CRIP2: variants seen among roughly 807,000 people sequenced by gnomAD.
The protein encoded by CRIP2 is cysteine-rich protein 2.
Under a neutral mutation model 31.3 loss-of-function variants are expected in CRIP2, and 31 were observed. That is an observed-to-expected ratio of 0.99 (90% CI 0.74 to 1.34). The LOEUF is 1.34. Among genes scored for constraint, CRIP2 ranks in the 40% most tolerant of loss-of-function variants. The pLI, the probability that CRIP2 is intolerant of heterozygous loss-of-function variation, is 0.00. For synonymous variants in CRIP2, 177 were observed against 127.2 expected, an observed-to-expected ratio of 1.39 and a Z score of -2.63; for missense variants, 389 against 301.6, an observed-to-expected ratio of 1.29 and a Z score of -2.15.
chr14:105,476,006 G>A (rs587669780), intron 1 of CRIP2: 14 of 985,470 alleles, frequency 1.4e-5, no homozygotes, highest in South Asian at 4.7e-5. Context: ...TATTTTGCCC[G>A]TCCCAGAGGG....
intron 7 of CRIP2, 40 bp downstream of exon 7, chr14:105,479,533 C>T (rs2084043293): frequency 2.5e-6 from 4 of 1,612,782 alleles, no homozygotes; most frequent in Non-Finnish European, 3.4e-6. Context: ...CTTCCCTGCC[C>T]TCCCCTTCCC....
At chr14:105,476,049 C>T (rs962362392) in intron 1 of CRIP2, 10 of 985,466 alleles carry the variant, frequency 1.0e-5, no homozygotes, top group South Asian at 4.7e-5. Context: ...GTGCTTCTGG[C>T]GTGGCTGGGA....
Position 105,479,072 on chromosome 14 carries a change from C to T in CRIP2, c.406+25C>T, listed in dbSNP as rs782759245. On this transcript the variant is annotated intron_variant, in intron 5 of 7. Coordinates refer to ENST00000329146, the MANE Select transcript of CRIP2 (RefSeq NM_001312.4). ...GGTGAGTGCGCGCCCGGGCCCCGGACCCCCGCCCCCGCCCCCGCCCCGGGG... is the reference window on the plus strand; with the variant it reads ...GGTGAGTGCGCGCCCGGGCCCCGGATCCCCGCCCCCGCCCCCGCCCCGGGG... The T allele has an allele frequency of 1.2e-5, 19 of 1,560,618 alleles. No homozygotes were observed. In the South Asian group the frequency reaches 1.4e-4, roughly 12 times the overall value.
chr14:105,476,231 G>C, intron 1 of CRIP2: 1 of 985,482 alleles, frequency 1.0e-6, no homozygotes, highest in Non-Finnish European at 1.2e-6. Context: ...GGGCTCTCCA[G>C]GGTCTCGGCC....
chr14:105,475,992 GTTGTATT>G (rs2083924875), intron 1 of CRIP2: 1 of 985,440 alleles, frequency 1.0e-6, no homozygotes, highest in South Asian at 4.7e-5. Flanking sequence ...TTGAGGGGAG[GTTGTATT>G]TTGCCCGTCC....
chr14:105,474,809 C>T (rs781820656), upstream of CRIP2: 77 of 1,298,654 alleles, frequency 5.9e-5, no homozygotes, highest in Admixed American at 3.0e-4. This position sits in a 1 kb window ranked among gnomAD's most constrained non-coding sequence, Gnocchi z 5.1. Context: ...GCGCGGGCGG[C>T]GGCGGCCCGG....
chr14:105,475,183 C>T, intron 1 of CRIP2: 1 of 347,246 alleles, frequency 2.9e-6, no homozygotes, highest in East Asian at 4.6e-5. Flanking sequence ...CGGGATGAGG[C>T]CAGTGTTTGG....
At chr14:105,479,076 CG>C in intron 5 of CRIP2, 29 bp downstream of exon 5, 2 of 1,570,260 alleles carry the variant, frequency 1.3e-6, no homozygotes, top group Non-Finnish European at 1.7e-6. Flanking sequence ...CCCGGACCCC[CG>C]CCCCCGCCCC....
In CRIP2 at chr14:105,479,441, C is replaced by A. The variant is rs112961323; in HGVS notation, c.507C>A (p.Asp169Glu). 7 of 1,612,684 alleles carry A rather than the reference C, an allele frequency of 4.3e-6. No homozygotes were observed. The highest frequency in any genetic ancestry group is 5.9e-6 in the Non-Finnish European group (7 of 1,179,968). The change falls in exon 7 of 8, where the codon GAC (aspartate) becomes GAA (glutamate). Residue 169 changes from aspartate (D) to glutamate (E), a missense_variant. Coordinates refer to ENST00000329146, the MANE Select transcript of CRIP2 (RefSeq NM_001312.4). ...TLTPGGHAEH[D>E]GQPYCHKPCY... The stretch of plus-strand genomic sequence containing the variant: ...GCACCCACCTTCTGCCCCAGCACGA[C>A]GGCCAGCCCTACTGCCACAAGCCCT...
In CRIP2 at chr14:105,480,147, C is replaced by G. The variant is rs1025038482; in HGVS notation, c.*494C>G. ...TGTTGAGCCTTGTGCTGTCAATAAACGGTTTGAGGATTGCAGGATTGTCTC... is the reference window on the plus strand; with the variant it reads ...TGTTGAGCCTTGTGCTGTCAATAAAGGGTTTGAGGATTGCAGGATTGTCTC... On this transcript the variant is annotated 3_prime_UTR_variant, in exon 8 of 8. Coordinates refer to ENST00000329146, the MANE Select transcript of CRIP2 (RefSeq NM_001312.4). 5.8e-6 allele frequency: 1 copy of G among 171,732 alleles called. No individual in the cohort carries two copies. Among genetic ancestry groups the G allele is most frequent in the Non-Finnish European group, 1.3e-5 (1 of 79,568 alleles). 10.6% of individuals were successfully genotyped at this position (171,732 alleles called of 1,614,324 possible). A position where few individuals can be genotyped will look rare whatever the true frequency, so the allele number is the denominator to read the frequency against.
At chr14:105,476,623 T>G (rs1555435858) in intron 1 of CRIP2, 1 of 985,352 alleles carries the variant, frequency 1.0e-6, no homozygotes, top group Non-Finnish European at 1.2e-6. Context: ...GTCCCAGAGC[T>G]GGCCAGAGCA....
At position 105,479,021 on chromosome 14, in the gene CRIP2, C is replaced by T. The variant is rs945932246; in HGVS notation, c.380C>T (p.Pro127Leu). 1 of 1,583,528 alleles carries T rather than the reference C, an allele frequency of 6.3e-7. No individual in the cohort carries two copies. The highest frequency in any genetic ancestry group is 1.3e-5 in the African/African-American group (1 of 74,202). The change falls in exon 5 of 8, where the codon CCG becomes CTG. Residue 127 changes from proline (P) to leucine (L), a missense_variant. Pro to Leu is a moderately conservative substitution (Grantham distance 98, BLOSUM62 -3). Coordinates refer to ENST00000329146, the MANE Select transcript of CRIP2 (RefSeq NM_001312.4). ...TTFTGEPNTCPRCSKKVYFAE... is the reference protein window; with the variant it reads ...TTFTGEPNTCLRCSKKVYFAE... ...TTCACCGGGGAGCCCAACACGTGCC[C>T]GCGCTGCAGCAAGAAGGTGTACTTC...
At chr14:105,477,434 G>T in intron 1 of CRIP2, 2 of 985,156 alleles carry the variant, frequency 2.0e-6, no homozygotes, top group Non-Finnish European at 2.4e-6. Context: ...GACGGGGCCT[G>T]GCCTTCCCAT....
At position 105,479,901 on chromosome 14, in the gene CRIP2, G is replaced by A. The variant is rs1485278462; in HGVS notation, c.*248G>A. 1.8e-6 allele frequency: 1 copy of A among 564,944 alleles called. No homozygotes were observed. Among genetic ancestry groups the A allele is most frequent in the South Asian group, 2.1e-5 (1 of 48,232 alleles). 35.0% of individuals were successfully genotyped at this position (564,944 alleles called of 1,614,324 possible). ...TGTCTGCGTGTCCGAATCCCCGTGTGACCCTGTCCCAGCATTTTCCCGCCG... is the reference window on the plus strand; with the variant it reads ...TGTCTGCGTGTCCGAATCCCCGTGTAACCCTGTCCCAGCATTTTCCCGCCG... On this transcript the variant is annotated 3_prime_UTR_variant, in exon 8 of 8. Transcript: ENST00000329146.
rs1262297454 is a variant in CRIP2 at position 105,478,789 on chromosome 14, G to T, written c.255G>T (p.Pro85=). The T allele has an allele frequency of 4.2e-6, 6 of 1,433,092 alleles. No homozygotes were observed. The African/African-American group carries it at 8.8e-5, about 21-fold the overall frequency. The allele number at this position is 1,433,092 out of a possible 1,614,324, so 88.8% of individuals were successfully genotyped here. ...YIYEKPLAEG[P]QVTGPIEVPA... ...ACGAGAAGCCCCTGGCGGAGGGGCC[G>T]CAGGTCACCGGCCCCATCGAGGTCC... Residue 85 remains proline, a synonymous_variant, in exon 4 of 8, where the codon CCG becomes CCT. Coordinates refer to ENST00000329146, the MANE Select transcript of CRIP2 (RefSeq NM_001312.4). The surrounding 1 kb of genome is among the most constrained non-coding windows in gnomAD (Gnocchi z 4.9).
At chr14:105,479,090 C>G in intron 5 of CRIP2, 35 bp from the exon 6 acceptor site, 2 of 1,599,622 alleles carry the variant, frequency 1.3e-6, no homozygotes, top group Non-Finnish European at 1.7e-6. Flanking sequence ...CCCGCCCCCG[C>G]CCCGGGGCTC....
intron 1 of CRIP2, chr14:105,477,114 C>A: frequency 3.3e-6 from 1 of 302,246 alleles, no homozygotes; most frequent in Non-Finnish European, 4.9e-6. Flanking sequence ...AGCCTGCATG[C>A]TCCCTCCCCC....
Position 105,475,153 on chromosome 14 carries a change from G to A in CRIP2, c.43+248G>A, listed in dbSNP as rs587686905. On this transcript the variant is annotated intron_variant, in intron 1 of 7. Transcript: ENST00000329146. The stretch of plus-strand genomic sequence containing the variant: ...TGTGGGGGCGGGGCAGGGACCACCC[G>A]GGCGGGGCTTGTGGTGCCCCGGGAT... Among the ~76,000 whole-genome samples, 6 of 152,114 alleles carry A rather than the reference G, an allele frequency of 3.9e-5. No homozygotes were observed. In the South Asian group the frequency reaches 6.2e-4, roughly 16 times the overall value.
chr14:105,473,466 T>A, upstream of CRIP2: 1 of 1,535,372 alleles, frequency 6.5e-7, no homozygotes. Flanking sequence ...ACCGAGGGCC[T>A]CTGGTTGGCT....
Sources: allele counts gnomAD v4.1 joint callset (sites outside exome capture counted in the v4.1 genomes callset), GRCh38; gene constraint gnomAD v4.1.1; non-coding constraint Gnocchi (gnomAD v3.1); transcripts MANE v1.5; gene names NCBI Gene and HGNC (gene_info 2026-07-23, HGNC 2026-07-21).